Variants in PCDHA1 observed in about 807,000 individuals in gnomAD.
The protein encoded by PCDHA1 is protocadherin alpha-1.
A neutral mutation model predicts 61.3 loss-of-function variants in PCDHA1; 42 were observed. That is an observed-to-expected ratio of 0.69 (90% confidence interval 0.54 to 0.89). The LOEUF is 0.89. Ranked by LOEUF, PCDHA1 falls within the 40% of genes least tolerant of loss-of-function variation. The pLI is 0.00. For synonymous variants in PCDHA1, 610 were observed against 553.8 expected (o/e 1.10, Z -1.43); for missense variants, 1,256 against 1,235.3 (o/e 1.02, Z -0.25).
rs561828077 is a variant in PCDHA1 at position 140,908,632 on chromosome 5, C to T, written c.2395-70317C>T. On this transcript the variant is annotated intron_variant, in intron 1 of 3. Transcript: ENST00000504120. ...TGCTCCAAAATCCTTGAGGTCTCCA[C>T]TGTGATTCACTTATGGGGGCCTGCC... Among the ~76,000 whole-genome samples the T allele has an allele frequency of 9.8e-5, 15 of 152,318 alleles. No individual in the cohort carries two copies. In the East Asian group the frequency reaches 2.9e-3, roughly 29 times the overall value.
chr5:140,857,959 T>G, intron 1 of PCDHA1: 1 of 1,597,228 alleles, frequency 6.3e-7, no homozygotes, highest in Non-Finnish European at 8.6e-7. Context: ...GCGCTCTGGA[T>G]GAGACTGACT....
intron 3 of PCDHA1, among the ~76,000 whole-genome samples, chr5:141,003,251 C>T (rs1240561091): frequency 6.6e-6 from 1 of 152,176 alleles, no homozygotes; most frequent in Admixed American, 6.5e-5. Flanking sequence ...AAAAAGATTC[C>T]TGGGCAGTGC....
rs2150170634 is a variant in PCDHA1 at position 140,829,586 on chromosome 5, G to A, written c.2394+40902G>A. ...GTCCTACTCGCTGGTGGAGCGGCGG[G>A]TGGGCGAGCGCGCGTTGTCGAGCTA... On this transcript the variant is annotated intron_variant, in intron 1 of 3. Coordinates refer to ENST00000504120, the MANE Select transcript of PCDHA1 (RefSeq NM_018900.4). 10 of 1,612,232 alleles carry A rather than the reference G, an allele frequency of 6.2e-6. No individual in the cohort carries two copies. Among genetic ancestry groups the A allele is most frequent in the Non-Finnish European group, 7.6e-6 (9 of 1,179,786 alleles).
chr5:140,960,553 C>T (rs2095555809), intron 1 of PCDHA1, among the ~76,000 whole-genome samples: 1 of 152,078 alleles, frequency 6.6e-6, no homozygotes, highest in Non-Finnish European at 1.5e-5. Context: ...TTCATATAGA[C>T]TGAGCTTAGG....
chr5:140,887,537 C>A (rs530539711), intron 1 of PCDHA1, among the ~76,000 whole-genome samples: 7 of 152,132 alleles, frequency 4.6e-5, no homozygotes, highest in African/African-American at 7.2e-5. Flanking sequence ...TTCCTCTCCC[C>A]ACCCCTCATG....
At chr5:140,893,409 T>C (rs2153442529) in intron 1 of PCDHA1, among the ~76,000 whole-genome samples, 1 of 152,154 alleles carries the variant, frequency 6.6e-6, no homozygotes, top group South Asian at 2.1e-4. Context: ...TCCCAGCACT[T>C]AGGGAGGCAG....
At chr5:140,789,466 C>T (rs1433971274) in intron 1 of PCDHA1, among the ~76,000 whole-genome samples, 4 of 152,088 alleles carry the variant, frequency 2.6e-5, no homozygotes, top group Admixed American at 2.6e-4. Context: ...AAAACAAAAA[C>T]AAACCAAAAC....
At chr5:140,822,327 TGAA>T (rs2150115560) in intron 1 of PCDHA1, 3 of 1,613,994 alleles carry the variant, frequency 1.9e-6, no homozygotes, top group East Asian at 4.5e-5. Flanking sequence ...TTAAAACAAA[TGAA>T]GAAGAAACGA....
At chr5:140,883,686 A>T in intron 1 of PCDHA1, 1 of 1,613,782 alleles carries the variant, frequency 6.2e-7, no homozygotes, top group South Asian at 1.1e-5. Context: ...CCGGGCTGCC[A>T]CATCTTCACG....
chr5:140,911,055 G>A lies in PCDHA1; in HGVS notation c.2395-67894G>A, dbSNP rs576580251. The stretch of plus-strand genomic sequence containing the variant: ...CTAGAAGCAAACAGGGGTGGTGGGG[G>A]GTGGGTCCTGAGGAGAATCAACATT... On this transcript the variant is annotated intron_variant, in intron 1 of 3. Transcript: ENST00000504120. 5.3e-5 allele frequency among the ~76,000 whole-genome samples: 8 copies of A among 152,158 alleles called. 1 individual carries two copies. The highest frequency in any genetic ancestry group is 5.2e-4 in the Admixed American group (8 of 15,266).
chr5:141,010,052 A>G lies in PCDHA1; in HGVS notation c.*115A>G. The stretch of plus-strand genomic sequence containing the variant: ...CTACATGAGCCCTCTTAGAGACCTC[A>G]GAAATCTGCAGAAAGTTCCCTGTGT... On this transcript the variant is annotated 3_prime_UTR_variant, in exon 4 of 4. Coordinates refer to ENST00000504120, the MANE Select transcript of PCDHA1 (RefSeq NM_018900.4). The G allele has an allele frequency of 1.3e-6, 2 of 1,598,970 alleles. No homozygotes were observed. Among genetic ancestry groups the G allele is most frequent in the Non-Finnish European group, 1.7e-6 (2 of 1,172,814 alleles).
intron 1 of PCDHA1, among the ~76,000 whole-genome samples, chr5:140,791,064 G>T (rs1554118614): frequency 6.6e-6 from 1 of 152,148 alleles, no homozygotes; most frequent in South Asian, 2.1e-4. Context: ...TTCTTCACAA[G>T]ATTTCATCCA....
intron 1 of PCDHA1, chr5:140,857,929 G>A: frequency 1.3e-6 from 2 of 1,597,764 alleles, no homozygotes; most frequent in Non-Finnish European, 1.7e-6. Flanking sequence ...GGCTGTACAC[G>A]GGCGAGATCA....
chr5:140,968,124 G>A (rs202202452), intron 1 of PCDHA1: 59 of 1,614,008 alleles, frequency 3.7e-5, no homozygotes, highest in Non-Finnish European at 4.7e-5. Flanking sequence ...ACATCCCTGC[G>A]TACACTGAAG....
chr5:140,842,888 C>G, intron 1 of PCDHA1: 1 of 1,593,820 alleles, frequency 6.3e-7, no homozygotes, highest in South Asian at 1.1e-5. Flanking sequence ...GCTGCAGCCG[C>G]TGGACCACGA....
In PCDHA1 at chr5:140,871,116, C is replaced by A. The variant is rs200344692; in HGVS notation, c.2394+82432C>A. On this transcript the variant is annotated intron_variant, in intron 1 of 3. Transcript: ENST00000504120. The stretch of plus-strand genomic sequence containing the variant: ...CCGTGCTGGTGTCGTTGGTGGAGAG[C>A]GGACAGGCGCCAAAGGCCTCTTCCC... The A allele has an allele frequency of 4.3e-4, 686 of 1,613,264 alleles. 1 individual carries two copies. Among genetic ancestry groups the A allele is most frequent in the Middle Eastern group, 2.1e-3 (13 of 6,062 alleles).
chr5:140,848,335 G>GA (rs1397782811), intron 1 of PCDHA1: 5 of 865,392 alleles, frequency 5.8e-6, no homozygotes, highest in South Asian at 1.7e-5. Flanking sequence ...TCTGAATCCA[G>GA]ACAAATACAG....
intron 1 of PCDHA1, among the ~76,000 whole-genome samples, chr5:140,844,768 A>T (rs1393126027): frequency 6.7e-6 from 1 of 149,242 alleles, no homozygotes; most frequent in African/African-American, 2.5e-5. Context: ...AAAATCCAAG[A>T]TACTTTATTT....
chr5:140,999,304 C>G (rs1587831145), intron 3 of PCDHA1, among the ~76,000 whole-genome samples: 2 of 152,190 alleles, frequency 1.3e-5, no homozygotes, highest in East Asian at 3.8e-4. Flanking sequence ...TTCAGAATTT[C>G]TTCATGACAG....
Sources: gnomAD v4.1 joint callset for allele counts (sites outside exome capture counted in the v4.1 genomes callset) on GRCh38, gnomAD v4.1.1 for gene constraint, MANE v1.5 for transcripts, NCBI Gene and HGNC (gene_info 2026-07-23, HGNC 2026-07-21) for gene names.